Variants in DAB1 observed in about 807,000 individuals in gnomAD.
DAB1 encodes disabled homolog 1.
DAB1 carries 15 observed loss-of-function variants against 64.6 expected under a neutral mutation model. That is an observed-to-expected ratio of 0.23 (90% CI 0.16 to 0.36). DAB1 has a LOEUF of 0.36. DAB1 is among the 10% of genes least tolerant of loss of function. The pLI, the probability that DAB1 is intolerant of heterozygous loss-of-function variation, is 1.00. For missense variants in DAB1, 596 were observed against 706.7 expected (o/e 0.84, Z 1.78); for synonymous variants, 235 against 251.9 (o/e 0.93, Z 0.64).
chr1:57,442,665 T>C (rs1570524354), intron 7 of DAB1, among the ~76,000 whole-genome samples: 1 of 152,372 alleles, frequency 6.6e-6, no homozygotes, highest in East Asian at 1.9e-4. Flanking sequence ...TTTTGTGTTT[T>C]CATATTATGT....
At chr1:57,503,385 C>T (rs1644312036) in intron 7 of DAB1, among the ~76,000 whole-genome samples, 1 of 152,208 alleles carries the variant, frequency 6.6e-6, no homozygotes, top group Non-Finnish European at 1.5e-5. Context: ...ATTTGAACTG[C>T]CTCTGCCTTA....
intron 1 of DAB1, chr1:58,534,310 C>A (rs1646482872): frequency 2.3e-6 from 2 of 855,174 alleles, no homozygotes; most frequent in Non-Finnish European, 2.0e-6. Context: ...GTTAGCATAT[C>A]ATTTTTAAAT....
chr1:57,304,182 G>A (rs532579637), intron 1 of DAB1, among the ~76,000 whole-genome samples: 42 of 152,270 alleles, frequency 2.8e-4, no homozygotes, highest in African/African-American at 8.2e-4. Flanking sequence ...GGCACTTCAC[G>A]TGGTGAAAAC....
At chr1:57,626,878 G>T (rs1645929094) in intron 7 of DAB1, among the ~76,000 whole-genome samples, 1 of 152,216 alleles carries the variant, frequency 6.6e-6, no homozygotes, top group East Asian at 1.9e-4. Flanking sequence ...TCACCTTGGG[G>T]GTTAGAATTC....
intron 7 of DAB1, among the ~76,000 whole-genome samples, chr1:57,517,152 T>A (rs1644472159): frequency 6.6e-6 from 1 of 152,110 alleles, no homozygotes; most frequent in Non-Finnish European, 1.5e-5. Context: ...TTCTTTCCTT[T>A]CTTTTTATTT....
intron 5 of DAB1, among the ~76,000 whole-genome samples, chr1:57,963,388 G>A (rs1175273424): frequency 1.3e-5 from 2 of 152,270 alleles, no homozygotes; most frequent in African/African-American, 4.8e-5. Flanking sequence ...TATCTTATCT[G>A]TAGTTTCACA....
intron 4 of DAB1, among the ~76,000 whole-genome samples, chr1:58,236,758 G>A (rs1205511967): frequency 2.6e-5 from 4 of 152,170 alleles, no homozygotes; most frequent in African/African-American, 9.7e-5. Context: ...ACACCACACA[G>A]GCCAAATGTC....
At chr1:58,534,531 TCTAATA>T (rs796375533) in intron 1 of DAB1, among the ~76,000 whole-genome samples, 12 of 152,244 alleles carry the variant, frequency 7.9e-5, no homozygotes, top group Admixed American at 2.6e-4. Context: ...AGGAATAAAT[TCTAATA>T]CTAAGTTTTT....
chr1:57,157,560 T>C (rs1243246251), intron 2 of DAB1, among the ~76,000 whole-genome samples: 1 of 144,238 alleles, frequency 6.9e-6, no homozygotes, highest in Non-Finnish European at 1.5e-5. Flanking sequence ...TTTTTGTGCA[T>C]GCACTGAGAA....
chr1:58,361,429 C>T (rs1042292268), intron 3 of DAB1, among the ~76,000 whole-genome samples: 2 of 152,188 alleles, frequency 1.3e-5, no homozygotes, highest in Non-Finnish European at 1.5e-5. Flanking sequence ...ACATGTTTGT[C>T]TGTATCTCTT....
chr1:57,492,899 G>GAAATTC (rs1185762937), intron 7 of DAB1, among the ~76,000 whole-genome samples: 1 of 152,106 alleles, frequency 6.6e-6, no homozygotes, highest in Non-Finnish European at 1.5e-5. Flanking sequence ...TTTGCTTGGA[G>GAAATTC]AAATTCAAAT....
intron 7 of DAB1, among the ~76,000 whole-genome samples, chr1:57,568,878 C>T (rs1006524930): frequency 2.6e-5 from 4 of 152,128 alleles, no homozygotes; most frequent in Non-Finnish European, 5.9e-5. Flanking sequence ...GGCAATTCCT[C>T]AGGGATCTAG....
At chr1:57,518,632 G>A (rs1001794868) in intron 7 of DAB1, among the ~76,000 whole-genome samples, 1 of 152,076 alleles carries the variant, frequency 6.6e-6, no homozygotes, top group Non-Finnish European at 1.5e-5. Context: ...CCACATCTGG[G>A]AAAGCTGATA....
intron 6 of DAB1, among the ~76,000 whole-genome samples, chr1:57,728,617 A>T (rs1208988858): frequency 6.6e-6 from 1 of 151,468 alleles, no homozygotes; most frequent in African/African-American, 2.4e-5. Context: ...AACAAAAAAA[A>T]ACCACCCCCT....
chr1:57,060,440 G>A (rs1006027801), intron 9 of DAB1, among the ~76,000 whole-genome samples: 9 of 152,212 alleles, frequency 5.9e-5, no homozygotes, highest in African/African-American at 2.2e-4. Flanking sequence ...CTGAGCCACC[G>A]CCCCTGGCCT....
At chr1:58,310,419 G>C (rs1476601457) in intron 4 of DAB1, among the ~76,000 whole-genome samples, 3 of 152,184 alleles carry the variant, frequency 2.0e-5, no homozygotes, top group Non-Finnish European at 4.4e-5. Flanking sequence ...CATTATAGGA[G>C]AGTATAATGT....
intron 6 of DAB1, among the ~76,000 whole-genome samples, chr1:57,699,078 C>T (rs978242715): frequency 6.6e-6 from 1 of 152,102 alleles, no homozygotes; most frequent in African/African-American, 2.4e-5. Context: ...GCTGGGACTA[C>T]AGGTGCATGC....
Position 57,336,801 on chromosome 1 carries a change from G to C in DAB1, c.-136-45635C>G, listed in dbSNP as rs571358239. 7.2e-5 allele frequency among the ~76,000 whole-genome samples: 11 copies of C among 152,246 alleles called. No homozygotes were observed. The South Asian group carries it at 2.3e-3, about 32-fold the overall frequency. ...AGCAATCTGTATTTGTTATTTATAT[G>C]TGTTGTAAGTATCCAAATAGATGTC... On this transcript the variant is annotated intron_variant, in intron 1 of 14. Transcript: ENST00000371236.
intron 7 of DAB1, among the ~76,000 whole-genome samples, chr1:57,546,922 G>T (rs1352154197): frequency 6.6e-6 from 1 of 152,062 alleles, no homozygotes; most frequent in Non-Finnish European, 1.5e-5. Flanking sequence ...GAGATTATGG[G>T]TAATTAAAAT....
Sources: allele counts gnomAD v4.1 joint callset (sites outside exome capture counted in the v4.1 genomes callset), GRCh38; gene constraint gnomAD v4.1.1; transcripts MANE v1.5; gene names NCBI Gene and HGNC (gene_info 2026-07-23, HGNC 2026-07-21).